STRBP: variants seen among roughly 807,000 people sequenced by gnomAD.
The protein encoded by STRBP is spermatid perinuclear RNA-binding protein.
Under a neutral mutation model 80.1 loss-of-function variants are expected in STRBP, and 13 were observed. The ratio of observed to expected loss-of-function variants is 0.16; its 90% CI spans 0.11 to 0.26. STRBP has a LOEUF of 0.26. Among genes scored for constraint, STRBP ranks in the 10% least tolerant of loss-of-function variants. STRBP has a pLI of 1.00. For missense variants in STRBP, 485 were observed against 815.2 expected (o/e 0.59, Z 4.93); for synonymous variants, 284 against 291.2 (o/e 0.98, Z 0.25).
At chr9:123,223,355 C>G (rs1006682713) in intron 2 of STRBP, among the ~76,000 whole-genome samples, 4 of 151,986 alleles carry the variant, frequency 2.6e-5, no homozygotes, top group Non-Finnish European at 2.9e-5. Context: ...GCAAATTATA[C>G]TTTAAATAAT....
intron 5 of STRBP, among the ~76,000 whole-genome samples, chr9:123,170,981 G>A (rs1191775155): frequency 6.6e-6 from 1 of 151,696 alleles, no homozygotes; most frequent in African/African-American, 2.4e-5. Flanking sequence ...ACCATTAAAC[G>A]ATCCCAAAAA....
At position 123,124,592 on chromosome 9, in the gene STRBP, G is replaced by A; in HGVS notation, c.*1005C>T. On this transcript the variant is annotated 3_prime_UTR_variant, in exon 19 of 19. Coordinates refer to ENST00000348403, the MANE Select transcript of STRBP (RefSeq NM_018387.5). The stretch of plus-strand genomic sequence containing the variant: ...TTTAGATTCTGATGTAATTGAAGAG[G>A]AAAGGAGACCCTTCAATGAATCCCA... The A allele has an allele frequency of 1.0e-6, 1 of 985,392 alleles. No homozygotes were observed. Among genetic ancestry groups the A allele is most frequent in the Non-Finnish European group, 1.2e-6 (1 of 829,928 alleles). The allele number at this position is 985,392 out of a possible 1,614,324, so 61.0% of individuals were successfully genotyped here.
chr9:123,116,587 G>A (rs1166107227), intron 2 of STRBP, among the ~76,000 whole-genome samples: 1 of 152,214 alleles, frequency 6.6e-6, no homozygotes, highest in Admixed American at 6.5e-5. Flanking sequence ...GGCTAAGGAA[G>A]GATCAGGGAG....
chr9:123,195,875 A>C (rs1157999396), intron 2 of STRBP, among the ~76,000 whole-genome samples: 1 of 152,246 alleles, frequency 6.6e-6, no homozygotes, highest in Admixed American at 6.5e-5. Flanking sequence ...AGTACCACCA[A>C]AGACCCAGAC....
intron 1 of STRBP, among the ~76,000 whole-genome samples, chr9:123,255,369 T>C (rs2132640071): frequency 6.6e-6 from 1 of 152,336 alleles, no homozygotes; most frequent in East Asian, 1.9e-4. Flanking sequence ...TTAATTCAAA[T>C]AAACACTGCC....
chr9:123,266,355 C>T (rs1233577739), intron 1 of STRBP, among the ~76,000 whole-genome samples: 1 of 152,054 alleles, frequency 6.6e-6, no homozygotes, highest in Non-Finnish European at 1.5e-5. Flanking sequence ...TCTCTCTGAC[C>T]CTAGGAGTAT....
chr9:123,140,173 T>G (rs546427569), intron 13 of STRBP, among the ~76,000 whole-genome samples: 1 of 152,322 alleles, frequency 6.6e-6, no homozygotes, highest in African/African-American at 2.4e-5. Flanking sequence ...CTCAATCCAT[T>G]AGGAGAAATT....
chr9:123,249,245 G>A lies in STRBP; in HGVS notation c.-301-12279C>T, dbSNP rs894502534. 1.8e-4 allele frequency among the ~76,000 whole-genome samples: 27 copies of A among 152,162 alleles called. 1 individual carries two copies. The highest frequency in any genetic ancestry group is 3.2e-4 in the Non-Finnish European group (22 of 68,028). ...ATTTTTTTAATTAGCCAGGCATGGT[G>A]GTGTGCATCTGTAGTCCCAGCTACT... On this transcript the variant is annotated intron_variant, in intron 1 of 18. Coordinates refer to ENST00000348403, the MANE Select transcript of STRBP (RefSeq NM_018387.5).
chr9:123,268,237 G>A (rs1266464155), intron 1 of STRBP, among the ~76,000 whole-genome samples, 199 bp downstream of exon 1: 1 of 151,380 alleles, frequency 6.6e-6, no homozygotes, highest in Non-Finnish European at 1.5e-5. Context: ...GGCGGCGGCG[G>A]CCACAATGCC....
In STRBP at chr9:123,128,231, G is replaced by A. The variant is rs2035974712; in HGVS notation, c.1925C>T (p.Thr642Ile). The A allele has an allele frequency of 6.2e-7, 1 of 1,614,178 alleles. No homozygotes were observed. The highest frequency in any genetic ancestry group is 1.7e-5 in the Admixed American group (1 of 60,008). Residue 642 changes from threonine (T) to isoleucine (I), a missense_variant, in exon 18 of 19, where the codon ACA becomes ATA. Coordinates refer to ENST00000348403, the MANE Select transcript of STRBP (RefSeq NM_018387.5). ...PGYGTPYGYS[T>I]AAPAYGLPKR... ...GTACGTACCATAGGCAGGGGCAGCT[G>A]TGCTGTAACCATATGGTGTTCCATA...
chr9:123,167,729 C>G (rs772906429), intron 6 of STRBP, among the ~76,000 whole-genome samples: 1 of 152,042 alleles, frequency 6.6e-6, no homozygotes, highest in Non-Finnish European at 1.5e-5. Context: ...CATATAACAG[C>G]TGATGAGATT....
At chr9:123,157,735 G>T (rs1187197212) in intron 11 of STRBP, among the ~76,000 whole-genome samples, 3 of 151,918 alleles carry the variant, frequency 2.0e-5, no homozygotes, top group African/African-American at 4.8e-5. Context: ...GATCCTGTGA[G>T]AACTCACTAT....
intron 11 of STRBP, among the ~76,000 whole-genome samples, chr9:123,150,783 G>A (rs2037021871): frequency 6.6e-6 from 1 of 152,092 alleles, no homozygotes. Flanking sequence ...AGAAGGGCTG[G>A]TGAACCCCCC....
chr9:123,249,238 G>T (rs1324978739), intron 1 of STRBP, among the ~76,000 whole-genome samples: 2 of 152,144 alleles, frequency 1.3e-5, no homozygotes, highest in African/African-American at 2.4e-5. Context: ...AATTAGCCAG[G>T]CATGGTGGTG....
chr9:123,206,985 C>T lies in STRBP; in HGVS notation c.-164-22687G>A, dbSNP rs190678898. The stretch of plus-strand genomic sequence containing the variant: ...CAAATTTATCAAGAATCTAATCAAC[C>T]AACTTTCCGTTTTTCTGTGGTAAAA... On this transcript the variant is annotated intron_variant, in intron 2 of 18. Coordinates refer to ENST00000348403, the MANE Select transcript of STRBP (RefSeq NM_018387.5). Among the ~76,000 whole-genome samples the T allele has an allele frequency of 3.3e-5, 5 of 152,194 alleles. No homozygotes were observed. In the East Asian group the frequency reaches 9.7e-4, roughly 29 times the overall value.
intron 2 of STRBP, among the ~76,000 whole-genome samples, chr9:123,222,207 C>T (rs2040089906): frequency 6.6e-6 from 1 of 150,954 alleles, no homozygotes; most frequent in South Asian, 2.1e-4. Flanking sequence ...ATGTCTATTA[C>T]CATTTTGTAA....
At chr9:123,141,664 A>G (rs2036594996) in intron 13 of STRBP, among the ~76,000 whole-genome samples, 1 of 152,206 alleles carries the variant, frequency 6.6e-6, no homozygotes, top group Admixed American at 6.5e-5. Context: ...AGGCTAATAT[A>G]AATTATTTAA....
chr9:123,214,123 G>GGTGTATATATATATAT (rs937528537), intron 2 of STRBP, among the ~76,000 whole-genome samples: 83 of 143,826 alleles, frequency 5.8e-4, no homozygotes, highest in African/African-American at 1.3e-3. Context: ...GATAAAGTGT[G>GGTGTATATATATATAT]GTGTATATAT....
At chr9:123,218,590 C>T (rs2039975706) in intron 2 of STRBP, among the ~76,000 whole-genome samples, 3 of 150,962 alleles carry the variant, frequency 2.0e-5, no homozygotes, top group African/African-American at 7.3e-5. Flanking sequence ...AGGATGGTCT[C>T]GATCTCCTGA....
Sources: gnomAD v4.1 joint callset for allele counts (sites outside exome capture counted in the v4.1 genomes callset) on GRCh38, gnomAD v4.1.1 for gene constraint, MANE v1.5 for transcripts, NCBI Gene and HGNC (gene_info 2026-07-23, HGNC 2026-07-21) for gene names.